Variants in NFATC3 observed in about 807,000 individuals in gnomAD.
NFATC3 encodes the protein nuclear factor of activated T-cells, cytoplasmic 3.
A neutral mutation model predicts 98.6 loss-of-function variants in NFATC3; 46 were observed. That is an observed-to-expected ratio of 0.47 (90% CI 0.37 to 0.60). NFATC3 has a LOEUF of 0.60. NFATC3 is among the 20% of genes least tolerant of loss of function. The pLI is 0.00. For synonymous variants in NFATC3, 512 were observed against 472.2 expected (o/e 1.08, Z -1.09); for missense variants, 1,256 against 1,295.5 (o/e 0.97, Z 0.47).
intron 1 of NFATC3, among the ~76,000 whole-genome samples, chr16:68,111,270 G>C (rs1485224803): frequency 6.6e-6 from 1 of 152,060 alleles, no homozygotes; most frequent in South Asian, 2.1e-4. Flanking sequence ...TCTCTTTGTA[G>C]GTTTCTAAAA....
At chr16:68,149,781 A>G (rs1346398896) in intron 3 of NFATC3, among the ~76,000 whole-genome samples, 1 of 152,212 alleles carries the variant, frequency 6.6e-6, no homozygotes, top group East Asian at 1.9e-4. Context: ...TGCTTAGTAT[A>G]TCTAAAGGGC....
chr16:68,183,794 G>C (rs997869996), intron 8 of NFATC3, among the ~76,000 whole-genome samples: 1 of 151,822 alleles, frequency 6.6e-6, no homozygotes, highest in Non-Finnish European at 1.5e-5. Flanking sequence ...ACCTGAGGTT[G>C]GGAGTTTGAG....
chr16:68,225,690 T>C (rs1287312386), intron 9 of NFATC3: 4 of 152,256 alleles, frequency 2.6e-5, no homozygotes, highest in Admixed American at 2.0e-4. Context: ...ATAGACTCTT[T>C]AGTTGATAAG....
chr16:68,115,575 G>A (rs1257914344), intron 1 of NFATC3, among the ~76,000 whole-genome samples: 24 of 151,656 alleles, frequency 1.6e-4, no homozygotes, highest in Admixed American at 1.4e-3. Context: ...CAGGCACGCG[G>A]CACCATGCCC....
At chr16:68,168,296 G>A (rs1212031662) in intron 5 of NFATC3, among the ~76,000 whole-genome samples, 1 of 151,828 alleles carries the variant, frequency 6.6e-6, no homozygotes, top group Non-Finnish European at 1.5e-5. Context: ...CTGAGTAGCC[G>A]GGGCTACAGG....
intron 9 of NFATC3, among the ~76,000 whole-genome samples, chr16:68,220,170 C>T (rs181738459): frequency 3.9e-5 from 6 of 152,144 alleles, no homozygotes; most frequent in Admixed American, 2.0e-4. Context: ...CCTGTTAGCA[C>T]CCTTATTGAG....
intron 3 of NFATC3, among the ~76,000 whole-genome samples, chr16:68,131,571 C>T (rs1053029840): frequency 6.6e-6 from 1 of 152,076 alleles, no homozygotes; most frequent in Non-Finnish European, 1.5e-5. Context: ...AGCCACTGTG[C>T]CTGGCCAACA....
At position 68,183,457 on chromosome 16, in the gene NFATC3, A is replaced by T; in HGVS notation, c.2098+91A>T. The T allele has an allele frequency of 2.1e-6, 3 of 1,429,972 alleles. No individual in the cohort carries two copies. In the Admixed American group the frequency reaches 6.4e-5, roughly 30 times the overall value. The allele number at this position is 1,429,972 out of a possible 1,614,324, so 88.6% of individuals were successfully genotyped here. ...AATCCTATATTACAGTGTTTAAGGT[A>T]GAGTGCTTATAAACAATGAAAACAC... is the stretch of plus-strand genomic sequence containing the variant. On this transcript the variant is annotated intron_variant, in intron 8 of 9. Transcript: ENST00000346183.
At chr16:68,171,916 G>A (rs1410607241) in intron 5 of NFATC3, among the ~76,000 whole-genome samples, 1 of 152,010 alleles carries the variant, frequency 6.6e-6, no homozygotes, top group African/African-American at 2.4e-5. Flanking sequence ...AACCTCCAGA[G>A]TAGCCAGGAT....
At chr16:68,096,656 A>G (rs2035034616) in intron 1 of NFATC3, among the ~76,000 whole-genome samples, 1 of 152,206 alleles carries the variant, frequency 6.6e-6, no homozygotes, top group Non-Finnish European at 1.5e-5. Flanking sequence ...CTCTGAGTAG[A>G]GAGGTCAGAG....
chr16:68,090,726 G>A (rs930143547), intron 1 of NFATC3, among the ~76,000 whole-genome samples: 1 of 152,120 alleles, frequency 6.6e-6, no homozygotes, highest in African/African-American at 2.4e-5. Context: ...GTATGAAAAG[G>A]AGGAAGTTGG....
At chr16:68,188,107 C>CA (rs1197821810) in intron 8 of NFATC3, among the ~76,000 whole-genome samples, 2 of 152,214 alleles carry the variant, frequency 1.3e-5, no homozygotes, top group African/African-American at 4.8e-5. Context: ...AGCATATACA[C>CA]ACCCGGCTGG....
intron 9 of NFATC3, among the ~76,000 whole-genome samples, chr16:68,207,060 C>T (rs1459322550): frequency 1.5e-4 from 22 of 149,854 alleles, no homozygotes; most frequent in Admixed American, 1.3e-3. Flanking sequence ...CCTGTAATCC[C>T]AGCACCTGGG....
chr16:68,086,421 TC>T (rs1388896070), intron 1 of NFATC3, among the ~76,000 whole-genome samples: 1 of 152,162 alleles, frequency 6.6e-6, no homozygotes, highest in Non-Finnish European at 1.5e-5. Flanking sequence ...TTCATAATTT[TC>T]CTAGAAAGTT....
intron 1 of NFATC3, among the ~76,000 whole-genome samples, chr16:68,105,684 C>CT (rs1242256901): frequency 2.0e-5 from 3 of 152,118 alleles, no homozygotes; most frequent in Non-Finnish European, 2.9e-5. Context: ...TAATTCTTGT[C>CT]TAAGTGTTCA....
In NFATC3 at chr16:68,226,892, A is replaced by G. The variant is rs1277439849; in HGVS notation, c.*421A>G. The G allele has an allele frequency of 8.2e-6, 1 of 121,266 alleles. No individual in the cohort carries two copies. Among genetic ancestry groups the G allele is most frequent in the Admixed American group, 8.8e-5 (1 of 11,406 alleles). 7.5% of individuals were successfully genotyped at this position (121,266 alleles called of 1,614,324 possible). A position where few individuals can be genotyped will look rare whatever the true frequency, so the allele number is the denominator to read the frequency against. On this transcript the variant is annotated 3_prime_UTR_variant, in exon 10 of 10. Coordinates refer to ENST00000346183, the MANE Select transcript of NFATC3 (RefSeq NM_173165.3). ...ATAGGAACTTTTGATAAGACCTTCTAGAAGCAAAAAAAAAAAAAAAAAAAA... is the reference window on the plus strand; with the variant it reads ...ATAGGAACTTTTGATAAGACCTTCTGGAAGCAAAAAAAAAAAAAAAAAAAA...
Position 68,138,818 on chromosome 16 carries a change from G to A in NFATC3, c.1401+12208G>A, listed in dbSNP as rs1598428631. On this transcript the variant is annotated intron_variant, in intron 3 of 9. Transcript: ENST00000346183. ...GGTTAGTGTGCCTTCTATGCCACAT[G>A]CTCCACACAGGAATAAATCATGGCT... 7 of 1,227,446 alleles carry A rather than the reference G, an allele frequency of 5.7e-6. 1 individual carries two copies. Among genetic ancestry groups the A allele is most frequent in the Middle Eastern group, 2.3e-4 (1 of 4,402 alleles). The allele number at this position is 1,227,446 out of a possible 1,614,324, so 76.0% of individuals were successfully genotyped here.
At chr16:68,104,653 G>GTTTTT (rs778016298) in intron 1 of NFATC3, among the ~76,000 whole-genome samples, 14,462 of 126,242 alleles carry the variant, frequency 0.11, 1,146 homozygotes, top group South Asian at 0.19. Flanking sequence ...TTCACAAATG[G>GTTTTT]TTTTTTTTTT....
rs1428382229 is a variant in NFATC3 at position 68,122,204 on chromosome 16, G to A, written c.321G>A (p.Glu107=). The A allele has an allele frequency of 1.2e-6, 2 of 1,614,062 alleles. No homozygotes were observed. Among genetic ancestry groups the A allele is most frequent in the Admixed American group, 3.3e-5 (2 of 60,004 alleles). ...YSPLGGPKPF[E]CPSIQITSIS... is the part of the protein sequence containing the mutation. The stretch of plus-strand genomic sequence containing the variant: ...CATTAGGTGGTCCCAAACCCTTTGA[G>A]TGCCCAAGTATTCAAATTACATCTA... The change falls in exon 2 of 10, where the codon GAG becomes GAA. Residue 107 remains glutamate, a synonymous_variant. Transcript: ENST00000346183.
Sources: gnomAD v4.1 joint callset for allele counts (sites outside exome capture counted in the v4.1 genomes callset) on GRCh38, gnomAD v4.1.1 for gene constraint, MANE v1.5 for transcripts, NCBI Gene and HGNC (gene_info 2026-07-23, HGNC 2026-07-21) for gene names.